The following DLGAP4 variants were observed in gnomAD, a reference collection of about 807,000 sequenced individuals.
DLGAP4 encodes the protein DLG associated protein 4.
In DLGAP4, 18 loss-of-function variants were observed where a neutral mutation model predicts 86.9. That is an observed-to-expected ratio of 0.21 (90% CI 0.14 to 0.31). The LOEUF is 0.31. Among genes scored for constraint, DLGAP4 ranks in the 10% least tolerant of loss-of-function variants. The pLI, the probability that DLGAP4 is intolerant of heterozygous loss-of-function variation, is 1.00. For synonymous variants in DLGAP4, 548 were observed against 574.3 expected, an observed-to-expected ratio of 0.95 and a Z score of 0.65; for missense variants, 1,085 against 1,362.6, an observed-to-expected ratio of 0.80 and a Z score of 3.21.
intron 7 of DLGAP4, among the ~76,000 whole-genome samples, chr20:36,493,798 C>T (rs1368221146): frequency 1.3e-5 from 2 of 152,206 alleles, no homozygotes; most frequent in South Asian, 2.1e-4. Context: ...CTTCACGTGC[C>T]CCACCTGCAA....
chr20:36,436,382 C>T (rs1280423264), intron 4 of DLGAP4, 32 bp downstream of exon 4: 1 of 1,555,304 alleles, frequency 6.4e-7, no homozygotes, highest in Non-Finnish European at 8.7e-7. Flanking sequence ...TACGGTCCCG[C>T]CCAGAGGCAA....
chr20:36,348,947 A>G (rs1555893235), intron 1 of DLGAP4, among the ~76,000 whole-genome samples: 1 of 151,016 alleles, frequency 6.6e-6, no homozygotes, highest in Non-Finnish European at 1.5e-5. Context: ...CTAAAAGTAC[A>G]AAAAAATTAG....
chr20:36,372,744 G>A (rs1223993323), intron 2 of DLGAP4, among the ~76,000 whole-genome samples: 1 of 152,114 alleles, frequency 6.6e-6, no homozygotes, highest in Non-Finnish European at 1.5e-5. Flanking sequence ...AATTAGAAAC[G>A]ACCCAATTCT....
chr20:36,525,204 G>A (rs375346525), intron 11 of DLGAP4, among the ~76,000 whole-genome samples: 23 of 95,452 alleles, frequency 2.4e-4, no homozygotes, highest in African/African-American at 4.4e-4. Context: ...GTGACAGAGC[G>A]AGACTCCGTC....
At chr20:36,336,410 C>T (rs1218743062) in intron 1 of DLGAP4, among the ~76,000 whole-genome samples, 1 of 152,214 alleles carries the variant, frequency 6.6e-6, no homozygotes, top group Admixed American at 6.5e-5. Flanking sequence ...TAAATGTCGC[C>T]TCCTCAAAGA....
At chr20:36,462,281 T>G in intron 7 of DLGAP4, 2 of 1,310,704 alleles carry the variant, frequency 1.5e-6, no homozygotes, top group Non-Finnish European at 1.9e-6. Context: ...TCGCTGTCTC[T>G]CCTTGTTCTC....
intron 2 of DLGAP4, among the ~76,000 whole-genome samples, chr20:36,416,603 C>G (rs73905356): frequency 0.032 from 4,926 of 152,324 alleles, 250 homozygotes; most frequent in African/African-American, 0.11. Context: ...TCTGTGACTC[C>G]TCAGGTGGGA....
At chr20:36,387,996 C>T (rs962517978) in intron 2 of DLGAP4, among the ~76,000 whole-genome samples, 1 of 152,174 alleles carries the variant, frequency 6.6e-6, no homozygotes, top group African/African-American at 2.4e-5. Context: ...CTTGAGCACC[C>T]GTCATCCAGT....
chr20:36,444,704 A>G (rs924660665), intron 6 of DLGAP4, among the ~76,000 whole-genome samples: 2 of 152,016 alleles, frequency 1.3e-5, no homozygotes, highest in Non-Finnish European at 2.9e-5. Flanking sequence ...GCAGTTGCCC[A>G]GTCTTGGCTC....
intron 2 of DLGAP4, among the ~76,000 whole-genome samples, chr20:36,379,778 T>A (rs2425230): frequency 3.3e-5 from 5 of 152,026 alleles, no homozygotes; most frequent in African/African-American, 9.7e-5. Flanking sequence ...TTGACCTCCC[T>A]CCCTAAGCCT....
At chr20:36,380,852 T>A (rs2031365660) in intron 2 of DLGAP4, among the ~76,000 whole-genome samples, 1 of 152,136 alleles carries the variant, frequency 6.6e-6, no homozygotes, top group African/African-American at 2.4e-5. Context: ...GCTTCGCGAG[T>A]TTCCTTTTCC....
At chr20:36,470,406 T>G (rs2034607954) in intron 7 of DLGAP4, among the ~76,000 whole-genome samples, 1 of 152,268 alleles carries the variant, frequency 6.6e-6, no homozygotes, top group Admixed American at 6.5e-5. Flanking sequence ...TTTCAAAATC[T>G]GTGTGCCTGG....
At chr20:36,516,103 CT>C (rs2037020430) in intron 10 of DLGAP4, among the ~76,000 whole-genome samples, 1 of 152,234 alleles carries the variant, frequency 6.6e-6, no homozygotes, top group Non-Finnish European at 1.5e-5. Context: ...TCTGCTTCCA[CT>C]GCTTTGGCCA....
intron 7 of DLGAP4, among the ~76,000 whole-genome samples, chr20:36,488,749 T>C (rs559696842): frequency 6.6e-6 from 1 of 152,286 alleles, no homozygotes; most frequent in Admixed American, 6.5e-5. Context: ...AGCTAATTTT[T>C]GTATTTTCAG....
At chr20:36,412,693 G>A (rs982361436) in intron 2 of DLGAP4, among the ~76,000 whole-genome samples, 1 of 152,214 alleles carries the variant, frequency 6.6e-6, no homozygotes, top group Non-Finnish European at 1.5e-5. Flanking sequence ...GGAAGCATCT[G>A]ATCAGTAAGC....
At chr20:36,478,871 C>A (rs2035060029) in intron 7 of DLGAP4, among the ~76,000 whole-genome samples, 1 of 152,178 alleles carries the variant, frequency 6.6e-6, no homozygotes, top group Admixed American at 6.5e-5. Flanking sequence ...GAAAACATCT[C>A]CTTGAGGGGA....
chr20:36,491,170 C>T (rs1407252536), intron 7 of DLGAP4, among the ~76,000 whole-genome samples: 3 of 149,382 alleles, frequency 2.0e-5, no homozygotes, highest in African/African-American at 7.4e-5. Flanking sequence ...CCAGCCTGGG[C>T]GACAGAACAA....
chr20:36,371,922 G>A (rs1341733998), intron 2 of DLGAP4, among the ~76,000 whole-genome samples: 1 of 152,142 alleles, frequency 6.6e-6, no homozygotes, highest in Non-Finnish European at 1.5e-5. Context: ...TCTTTCCTGA[G>A]TTTTAGGACT....
chr20:36,474,749 G>T (rs2034833303), intron 7 of DLGAP4, among the ~76,000 whole-genome samples: 1 of 152,126 alleles, frequency 6.6e-6, no homozygotes, highest in African/African-American at 2.4e-5. Flanking sequence ...GGGAAGGGTG[G>T]GGGGTGGAGG....
Sources: gnomAD v4.1 joint callset for allele counts (sites outside exome capture counted in the v4.1 genomes callset) on GRCh38, gnomAD v4.1.1 for gene constraint, MANE v1.5 for transcripts, NCBI Gene and HGNC (gene_info 2026-07-23, HGNC 2026-07-21) for gene names.